Variants in RFX3 observed in about 807,000 individuals in gnomAD.
The protein encoded by RFX3 is regulatory factor X3, also known as transcription factor RFX3.
Under a neutral mutation model 98.6 loss-of-function variants are expected in RFX3, and 14 were observed. The ratio of observed to expected loss-of-function variants is 0.14; its 90% CI spans 0.09 to 0.22. The LOEUF (loss-of-function observed/expected upper bound fraction) is 0.22, where lower values mean the gene tolerates loss of function less well. Among genes scored for constraint, RFX3 ranks in the 10% least tolerant of loss-of-function variants. RFX3 has a pLI of 1.00. For synonymous variants in RFX3, 383 were observed against 328.4 expected (o/e 1.17, Z -1.80); for missense variants, 639 against 926.9 (o/e 0.69, Z 4.03).
intron 5 of RFX3, among the ~76,000 whole-genome samples, chr9:3,293,956 G>A (rs1827693633): frequency 6.6e-6 from 1 of 151,918 alleles, no homozygotes; most frequent in South Asian, 2.1e-4. Context: ...TCATTATTCT[G>A]GAAGGCACAC....
rs1833254917 is a variant in RFX3, at chr9:3,336,927, C to T, written c.216-6410G>A. ...CACATAAATGATTTGTGTGTGAATG[C>T]CTGGGTATGTATGTGTGTACTTACC... On this transcript the variant is annotated intron_variant, in intron 3 of 16. Transcript: ENST00000617270. 3.3e-5 allele frequency among the ~76,000 whole-genome samples: 5 copies of T among 151,922 alleles called. No individual in the cohort carries two copies. The South Asian group carries it at 1.0e-3, about 32-fold the overall frequency.
intron 1 of RFX3, among the ~76,000 whole-genome samples, chr9:3,414,587 GTA>G (rs370963827): frequency 1.2e-4 from 17 of 145,514 alleles, no homozygotes; most frequent in African/African-American, 2.3e-4. Context: ...CTGCAATGTG[GTA>G]TATATATATA....
intron 1 of RFX3, among the ~76,000 whole-genome samples, chr9:3,513,723 A>C (rs144546468): frequency 0.011 from 1,729 of 152,276 alleles, 26 homozygotes; most frequent in South Asian, 0.031. Flanking sequence ...CTGTATCTCC[A>C]GTCCATAGTC....
In RFX3 at chr9:3,224,838, TTA is replaced by T; in HGVS notation, c.*202_*203del. On this transcript the variant is annotated 3_prime_UTR_variant, in exon 17 of 17. Coordinates refer to ENST00000617270, the MANE Select transcript of RFX3 (RefSeq NM_001282116.2). ...ACCTGAAACTAAGGGAAAAAATTCA[TTA>T]TTAAGAAGCAAATAATTTGTTTACG... 2.2e-6 allele frequency: 1 copy of T among 465,088 alleles called. No individual in the cohort carries two copies. The highest frequency in any genetic ancestry group is 3.3e-5 in the East Asian group (1 of 30,210). The allele number at this position is 465,088 out of a possible 1,614,324, so 28.8% of individuals were successfully genotyped here.
At chr9:3,517,291 TAG>T (rs1284033897) in intron 1 of RFX3, among the ~76,000 whole-genome samples, 1 of 152,192 alleles carries the variant, frequency 6.6e-6, no homozygotes, top group Non-Finnish European at 1.5e-5. Flanking sequence ...CAGTTAGAAA[TAG>T]AGTGAGAACC....
In RFX3 at chr9:3,520,339, C is replaced by A. The variant is rs563257763; in HGVS notation, c.-9+5408G>T. 5.3e-5 allele frequency among the ~76,000 whole-genome samples: 8 copies of A among 152,160 alleles called. 1 individual carries two copies. In the East Asian group the frequency reaches 9.6e-4, roughly 18 times the overall value. On this transcript the variant is annotated intron_variant, in intron 1 of 16. Coordinates refer to ENST00000617270, the MANE Select transcript of RFX3 (RefSeq NM_001282116.2). ...AATTATAGTAAAATATGGACTAGTA[C>A]AGATAAATCCATTATCAAGATTAAA... is the stretch of plus-strand genomic sequence containing the variant.
In RFX3 at chr9:3,368,380, A is replaced by C. The variant is rs192165542; in HGVS notation, c.118-21616T>G. On this transcript the variant is annotated intron_variant, in intron 2 of 16. Transcript: ENST00000617270. Reference sequence around the variant, plus strand: ...GTGTTCCCTTTGGCACTTGTATGACATTTTTAAAACAAAAGAATAAATAAG... The same window carrying C: ...GTGTTCCCTTTGGCACTTGTATGACCTTTTTAAAACAAAAGAATAAATAAG... Among the ~76,000 whole-genome samples, 544 of 152,276 alleles carry C rather than the reference A, an allele frequency of 3.6e-3. 1 individual carries two copies. The highest frequency in any genetic ancestry group is 6.0e-3 in the Non-Finnish European group (405 of 68,010).
At chr9:3,357,309 C>G (rs1218396486) in intron 2 of RFX3, among the ~76,000 whole-genome samples, 1 of 151,904 alleles carries the variant, frequency 6.6e-6, no homozygotes, top group African/African-American at 2.4e-5. Context: ...CTTCTCATCG[C>G]TTATATTGTT....
At chr9:3,451,902 G>C (rs1587717898) in intron 1 of RFX3, among the ~76,000 whole-genome samples, 1 of 151,306 alleles carries the variant, frequency 6.6e-6, no homozygotes, top group East Asian at 1.9e-4. Flanking sequence ...CTTACCAGTA[G>C]AAACCCTTAG....
intron 2 of RFX3, among the ~76,000 whole-genome samples, chr9:3,386,351 T>G (rs920799818): frequency 1.3e-5 from 2 of 152,042 alleles, no homozygotes; most frequent in Admixed American, 1.3e-4. Flanking sequence ...ATAAACATAT[T>G]AAAGGCTTAT....
chr9:3,389,778 C>A (rs1013483182), intron 2 of RFX3, among the ~76,000 whole-genome samples: 7 of 151,962 alleles, frequency 4.6e-5, no homozygotes, highest in South Asian at 2.1e-4. Context: ...TGGGTCCCAC[C>A]CCCAAGATCT....
At chr9:3,448,229 G>T (rs1846229124) in intron 1 of RFX3, among the ~76,000 whole-genome samples, 1 of 151,826 alleles carries the variant, frequency 6.6e-6, no homozygotes, top group Non-Finnish European at 1.5e-5. Flanking sequence ...CTCACAAATG[G>T]ACTAATATAC....
rs1455641747 is a variant in RFX3, at chr9:3,222,640, AAG to A, written c.*2400_*2401del. The A allele has an allele frequency of 6.6e-6, 1 of 152,200 alleles. No homozygotes were observed. The highest frequency in any genetic ancestry group is 1.5e-5 in the Non-Finnish European group (1 of 68,022). The allele number at this position is 152,200 out of a possible 1,614,324, so 9.4% of individuals were successfully genotyped here. A position where few individuals can be genotyped will look rare whatever the true frequency, so the allele number is the denominator to read the frequency against. ...AAATTCAGAAAGGAGAGCCAAAATG[AAG>A]AGTGTTTTTTCAATTTTTGATTTTA... On this transcript the variant is annotated 3_prime_UTR_variant, in exon 17 of 17. Transcript: ENST00000617270.
At chr9:3,284,715 G>A (rs1001834193) in intron 7 of RFX3, among the ~76,000 whole-genome samples, 4 of 151,716 alleles carry the variant, frequency 2.6e-5, no homozygotes, top group Non-Finnish European at 4.4e-5. Flanking sequence ...CTGTCTACTT[G>A]TATTTCTTCT....
At chr9:3,503,302 A>T (rs1026746231) in intron 1 of RFX3, among the ~76,000 whole-genome samples, 2 of 152,180 alleles carry the variant, frequency 1.3e-5, no homozygotes, top group Non-Finnish European at 2.9e-5. Flanking sequence ...ATATAATTGT[A>T]TAAGTTCAAA....
intron 1 of RFX3, among the ~76,000 whole-genome samples, chr9:3,515,076 G>C (rs1818024076): frequency 6.6e-6 from 1 of 151,972 alleles, no homozygotes; most frequent in Non-Finnish European, 1.5e-5. Flanking sequence ...TAGTATCAGG[G>C]GAAAACCTAA....
chr9:3,447,963 C>G (rs1377518818), intron 1 of RFX3, among the ~76,000 whole-genome samples: 1 of 152,106 alleles, frequency 6.6e-6, no homozygotes, highest in Non-Finnish European at 1.5e-5. Context: ...TAACAGAGCT[C>G]TCAACTATGA....
intron 3 of RFX3, among the ~76,000 whole-genome samples, chr9:3,339,282 C>T (rs564115536): frequency 6.6e-6 from 1 of 152,074 alleles, no homozygotes; most frequent in South Asian, 2.1e-4. Context: ...AGTCACTTGC[C>T]CTGACAACAG....
At chr9:3,291,264 G>A (rs773376885) in intron 6 of RFX3, among the ~76,000 whole-genome samples, 15 of 152,086 alleles carry the variant, frequency 9.9e-5, no homozygotes, top group African/African-American at 2.9e-4. Context: ...CGGGTTACTC[G>A]GGAGGCTGAG....
Sources: gnomAD v4.1 joint callset for allele counts (sites outside exome capture counted in the v4.1 genomes callset) on GRCh38, gnomAD v4.1.1 for gene constraint, MANE v1.5 for transcripts, NCBI Gene and HGNC (gene_info 2026-07-23, HGNC 2026-07-21) for gene names.